The following TCAIM variants were observed in gnomAD, a reference collection of about 807,000 sequenced individuals.
TCAIM encodes T cell activation inhibitor, mitochondrial, also known as T-cell activation inhibitor, mitochondrial.
Under a neutral mutation model 58.6 loss-of-function variants are expected in TCAIM, and 36 were observed. That is an observed-to-expected ratio of 0.61 (90% CI 0.47 to 0.81). The LOEUF (loss-of-function observed/expected upper bound fraction) is 0.81. Among genes scored for constraint, TCAIM ranks in the 30% least tolerant of loss-of-function variants. The pLI, the probability that TCAIM is intolerant of heterozygous loss-of-function variation, is 0.00. For missense variants in TCAIM, 466 were observed against 579.6 expected (o/e 0.80, Z 2.01); for synonymous variants, 172 against 193.6 (o/e 0.89, Z 0.93).
intron 5 of TCAIM, among the ~76,000 whole-genome samples, chr3:44,382,486 A>G (rs1270992509): frequency 6.6e-6 from 1 of 152,256 alleles, no homozygotes; most frequent in Non-Finnish European, 1.5e-5. Context: ...CAAGAATGCC[A>G]AGACCACTGA....
chr3:44,393,831 A>T (rs1701880377), intron 6 of TCAIM, among the ~76,000 whole-genome samples: 1 of 152,188 alleles, frequency 6.6e-6, no homozygotes, highest in South Asian at 2.1e-4. Context: ...GAGAAAATGG[A>T]TGTTGTATTC....
chr3:44,352,983 G>A (rs893003624), intron 1 of TCAIM, among the ~76,000 whole-genome samples: 6 of 147,860 alleles, frequency 4.1e-5, no homozygotes, highest in Admixed American at 2.1e-4. Flanking sequence ...GTGCAAAGAC[G>A]CGATCTCGGC....
chr3:44,373,078 A>T (rs141902188), intron 5 of TCAIM, among the ~76,000 whole-genome samples: 1 of 152,110 alleles, frequency 6.6e-6, no homozygotes, highest in Admixed American at 6.6e-5. Flanking sequence ...TAGCATTTTT[A>T]AATTAAAATA....
chr3:44,401,427 G>T, intron 10 of TCAIM, 93 bp downstream of exon 10: 1 of 1,468,488 alleles, frequency 6.8e-7, no homozygotes. Flanking sequence ...CCTGGAAACA[G>T]TATGAAGCTT....
chr3:44,400,630 A>T (rs1702008573), intron 9 of TCAIM, 43 bp downstream of exon 9: 1 of 1,530,256 alleles, frequency 6.5e-7, no homozygotes, highest in African/African-American at 1.4e-5. Context: ...TCCTTCGTCT[A>T]GGTGGGTTGT....
At chr3:44,396,908 A>G in intron 8 of TCAIM, 74 bp downstream of exon 8, 3 of 1,412,612 alleles carry the variant, frequency 2.1e-6, no homozygotes, top group Non-Finnish European at 2.9e-6. Flanking sequence ...TGTAATGTTA[A>G]GGGACTAAAA....
intron 10 of TCAIM, among the ~76,000 whole-genome samples, chr3:44,403,308 G>A (rs1478087201): frequency 3.3e-5 from 5 of 152,144 alleles, no homozygotes; most frequent in South Asian, 2.1e-4. Context: ...GGCAACTAAC[G>A]ATGGAAGCCA....
chr3:44,354,818 A>G lies in TCAIM; in HGVS notation c.29+7A>G, dbSNP rs1189957222. The G allele has an allele frequency of 1.9e-6, 3 of 1,610,658 alleles. No individual in the cohort carries two copies. The highest frequency in any genetic ancestry group is 1.7e-5 in the Admixed American group (1 of 58,728). ...ACCTGAGACCTATGAGGAGGTAAGCATCATGGTCCAATCTGTAATTAGTAT... is the reference window on the plus strand; with the variant it reads ...ACCTGAGACCTATGAGGAGGTAAGCGTCATGGTCCAATCTGTAATTAGTAT... On this transcript the variant is annotated splice_region_variant and intron_variant, in intron 2 of 10. Transcript: ENST00000342649.
intron 5 of TCAIM, among the ~76,000 whole-genome samples, chr3:44,370,673 T>G (rs960257115): frequency 6.6e-6 from 1 of 151,702 alleles, no homozygotes; most frequent in African/African-American, 2.4e-5. Context: ...TTTTTGTTTT[T>G]TTTTTTTAGT....
intron 10 of TCAIM, among the ~76,000 whole-genome samples, chr3:44,404,121 C>A (rs562416853): frequency 1.0e-3 from 156 of 152,282 alleles, no homozygotes; most frequent in African/African-American, 3.7e-3. Flanking sequence ...TTCCCCCAGC[C>A]TGAGGCACTC....
intron 6 of TCAIM, among the ~76,000 whole-genome samples, chr3:44,395,721 A>G (rs1241185966): frequency 6.6e-6 from 1 of 152,260 alleles, no homozygotes; most frequent in Non-Finnish European, 1.5e-5. Context: ...ACGGTGGCTC[A>G]CGCCTGTAAT....
At chr3:44,372,040 AGG>A (rs1701482595) in intron 5 of TCAIM, among the ~76,000 whole-genome samples, 3 of 147,240 alleles carry the variant, frequency 2.0e-5, no homozygotes, top group African/African-American at 7.6e-5. Context: ...GAAGGAAGGA[AGG>A]AAGGAAGGAA....
At chr3:44,365,125 A>C (rs1050808991) in intron 4 of TCAIM, among the ~76,000 whole-genome samples, 1 of 150,306 alleles carries the variant, frequency 6.7e-6, no homozygotes, top group Non-Finnish European at 1.5e-5. Context: ...TTTTTTCTTA[A>C]CCTCCAGTGC....
At chr3:44,353,962 T>C (rs766943679) in intron 1 of TCAIM, among the ~76,000 whole-genome samples, 1 of 152,230 alleles carries the variant, frequency 6.6e-6, no homozygotes, top group Admixed American at 6.5e-5. Flanking sequence ...AGCTGGATAG[T>C]GCCTTTGTTG....
In TCAIM at chr3:44,407,681, AAC is replaced by A; in HGVS notation, c.*3_*4del. The A allele has an allele frequency of 1.3e-6, 2 of 1,577,620 alleles. No individual in the cohort carries two copies. The highest frequency in any genetic ancestry group is 1.7e-6 in the Non-Finnish European group (2 of 1,167,282). ...TGGAAGAATGGAGAAGCCATTAAGTAACACAGAAATCTGTTTTATTTTTTTAA... is the reference window on the plus strand; with the variant it reads ...TGGAAGAATGGAGAAGCCATTAAGTAACAGAAATCTGTTTTATTTTTTTAA... On this transcript the variant is annotated stop_retained_variant and 3_prime_UTR_variant, in exon 11 of 11. Transcript: ENST00000342649.
chr3:44,371,432 T>G (rs1329150926), intron 5 of TCAIM, among the ~76,000 whole-genome samples: 1 of 152,126 alleles, frequency 6.6e-6, no homozygotes, highest in Non-Finnish European at 1.5e-5. Context: ...GAGTTTGAGT[T>G]TAGCTTAAGA....
chr3:44,350,536 C>A (rs954230342), intron 1 of TCAIM, among the ~76,000 whole-genome samples: 4 of 151,884 alleles, frequency 2.6e-5, no homozygotes, highest in African/African-American at 9.7e-5. Context: ...AGAGTCAAGC[C>A]ATCCTTACCT....
At chr3:44,344,688 A>C (rs550982974) in intron 1 of TCAIM, among the ~76,000 whole-genome samples, 1 of 152,166 alleles carries the variant, frequency 6.6e-6, no homozygotes, top group Non-Finnish European at 1.5e-5. Flanking sequence ...AGAGACCACC[A>C]AACAGGCTTG....
chr3:44,376,325 TA>T (rs1701565213), intron 5 of TCAIM, among the ~76,000 whole-genome samples: 1 of 152,224 alleles, frequency 6.6e-6, no homozygotes, highest in African/African-American at 2.4e-5. Context: ...AAGCCATTTT[TA>T]AAAAGAACTA....
Sources: allele counts gnomAD v4.1 joint callset (sites outside exome capture counted in the v4.1 genomes callset), GRCh38; gene constraint gnomAD v4.1.1; transcripts MANE v1.5; gene names NCBI Gene and HGNC (gene_info 2026-07-23, HGNC 2026-07-21).